HNRNPLL: variants seen among roughly 807,000 people sequenced by gnomAD.
HNRNPLL encodes heterogeneous nuclear ribonucleoprotein L like.
In HNRNPLL, 25 loss-of-function variants were observed where a neutral mutation model predicts 67.1. The ratio of observed to expected loss-of-function variants is 0.37; its 90% confidence interval spans 0.27 to 0.52. The LOEUF (loss-of-function observed/expected upper bound fraction) is 0.52. Among genes scored for constraint, HNRNPLL ranks in the 20% least tolerant of loss-of-function variants. The probability of loss-of-function intolerance (pLI) is 0.90; values close to 1 mark genes in which losing one functional copy is unlikely to be tolerated. For missense variants in HNRNPLL, 542 were observed against 673.9 expected (o/e 0.80, Z 2.17); for synonymous variants, 267 against 241.7 (o/e 1.10, Z -0.97).
rs146067444 is a variant in HNRNPLL at position 38,591,610 on chromosome 2, G to C, written c.228C>G (p.Pro76=). ...GGSHHKVSVS[P]VVHVRGLCES... The stretch of plus-strand genomic sequence containing the variant: ...CACAGAGTCCTCGAACATGGACGAC[G>C]GGTGAAACAGAAACTTTATGATGAC... The change falls in exon 2 of 13, where the codon CCC becomes CCG. Residue 76 remains proline (P), a synonymous_variant. Transcript: ENST00000449105. 2 of 1,613,304 alleles carry C rather than the reference G, an allele frequency of 1.2e-6. No homozygotes were observed. Among genetic ancestry groups the C allele is most frequent in the Non-Finnish European group, 1.7e-6 (2 of 1,179,444 alleles).
At chr2:38,593,076 T>C (rs1008965413) in intron 1 of HNRNPLL, among the ~76,000 whole-genome samples, 2 of 152,184 alleles carry the variant, frequency 1.3e-5, no homozygotes, top group Admixed American at 6.5e-5. Context: ...TACTGTCAAA[T>C]CCAAAAAATA....
chr2:38,602,318 T>G, intron 1 of HNRNPLL, 120 bp downstream of exon 1: 1 of 927,558 alleles, frequency 1.1e-6, no homozygotes, highest in Non-Finnish European at 1.6e-6. Context: ...AGTGGGCGCT[T>G]CCCCAAACGG....
intron 12 of HNRNPLL, among the ~76,000 whole-genome samples, chr2:38,566,946 G>A (rs964612981): frequency 2.0e-5 from 3 of 151,972 alleles, no homozygotes; most frequent in East Asian, 1.9e-4. Context: ...GTGGGGGGAC[G>A]GGTAAATAAG....
At position 38,564,056 on chromosome 2, in the gene HNRNPLL, T is replaced by C. The variant is rs1665752801; in HGVS notation, c.*126A>G. On this transcript the variant is annotated 3_prime_UTR_variant, in exon 13 of 13. Transcript: ENST00000449105. ...ATTTACTCAAGGCAAAATATGTTTATTACAGAACAGGATCTTAAAGTAAGC... is the reference window on the plus strand; with the variant it reads ...ATTTACTCAAGGCAAAATATGTTTACTACAGAACAGGATCTTAAAGTAAGC... The C allele has an allele frequency of 1.5e-6, 1 of 683,730 alleles. No homozygotes were observed. The highest frequency in any genetic ancestry group is 2.7e-6 in the Non-Finnish European group (1 of 377,088). 42.4% of individuals were successfully genotyped at this position (683,730 alleles called of 1,614,324 possible).
intron 12 of HNRNPLL, chr2:38,565,954 A>T: frequency 1.2e-6 from 1 of 844,726 alleles, no homozygotes. Flanking sequence ...TATTCCAGCC[A>T]TAAATCATTC....
Position 38,602,681 on chromosome 2 carries a change from C to A in HNRNPLL, c.-55G>T. The A allele has an allele frequency of 2.8e-6, 4 of 1,428,228 alleles. No individual in the cohort carries two copies. Among genetic ancestry groups the A allele is most frequent in the East Asian group, 3.0e-5 (1 of 33,228 alleles). The allele number at this position is 1,428,228 out of a possible 1,614,324, so 88.5% of individuals were successfully genotyped here. ...CGGGTGGGGGTGGCGGTGGGGCGCGCGCCTCGGATGCCGCCGGCCAGTCCT... is the reference window on the plus strand; with the variant it reads ...CGGGTGGGGGTGGCGGTGGGGCGCGAGCCTCGGATGCCGCCGGCCAGTCCT... On this transcript the variant is annotated 5_prime_UTR_variant, in exon 1 of 13. Transcript: ENST00000449105.
intron 6 of HNRNPLL, among the ~76,000 whole-genome samples, chr2:38,578,547 A>G (rs1356929225): frequency 6.6e-6 from 1 of 152,072 alleles, no homozygotes; most frequent in African/African-American, 2.4e-5. Context: ...GAGATGAGAA[A>G]TACTTTAATT....
chr2:38,585,820 C>A lies in HNRNPLL; in HGVS notation c.370G>T (p.Ala124Ser), dbSNP rs1370695049. The A allele has an allele frequency of 2.5e-6, 4 of 1,613,834 alleles. No individual in the cohort carries two copies. The highest frequency in any genetic ancestry group is 2.5e-6 in the Non-Finnish European group (3 of 1,179,920). ...GCAGCAAATGTCACACATTCTTTGG[C>A]ACTATCTATGTTTTCAAATTCCACT... ...ALVEFENIDS[A>S]KECVTFAADE... Residue 124 changes from alanine (A) to serine (S), a missense_variant, in exon 3 of 13, where the codon GCC becomes TCC. Ala to Ser is a moderately conservative substitution (Grantham distance 99, BLOSUM62 1). Coordinates refer to ENST00000449105, the MANE Select transcript of HNRNPLL (RefSeq NM_138394.4).
At chr2:38,598,961 T>A (rs1408370506) in intron 1 of HNRNPLL, among the ~76,000 whole-genome samples, 18 of 152,230 alleles carry the variant, frequency 1.2e-4, no homozygotes, top group Admixed American at 1.1e-3. Context: ...CTACTTTATT[T>A]CCATGAAGTA....
chr2:38,602,290 A>C (rs1667473972), intron 1 of HNRNPLL, 148 bp downstream of exon 1: 1 of 716,730 alleles, frequency 1.4e-6, no homozygotes, highest in South Asian at 1.9e-5. Context: ...AGGCCAGAAT[A>C]CGAGCCCCAA....
intron 2 of HNRNPLL, among the ~76,000 whole-genome samples, chr2:38,586,949 A>G (rs1666758542): frequency 6.6e-6 from 1 of 152,208 alleles, no homozygotes; most frequent in Admixed American, 6.5e-5. Flanking sequence ...AATGAAGAAT[A>G]AGAAAGGAAG....
At chr2:38,590,761 C>A (rs1666928305) in intron 2 of HNRNPLL, among the ~76,000 whole-genome samples, 1 of 152,164 alleles carries the variant, frequency 6.6e-6, no homozygotes, top group African/African-American at 2.4e-5. Flanking sequence ...AATCCCAGCA[C>A]TTCTGGAGGC....
chr2:38,592,352 G>C (rs1021348385), intron 1 of HNRNPLL, among the ~76,000 whole-genome samples: 2 of 152,176 alleles, frequency 1.3e-5, no homozygotes, highest in Admixed American at 6.5e-5. Context: ...TCCTCAACAT[G>C]AAGATAATAT....
intron 6 of HNRNPLL, among the ~76,000 whole-genome samples, chr2:38,578,905 T>C (rs535735461): frequency 3.9e-4 from 60 of 152,182 alleles, no homozygotes; most frequent in African/African-American, 1.4e-3. Context: ...CCAAAGTCAT[T>C]TCTTCTTCAA....
intron 2 of HNRNPLL, among the ~76,000 whole-genome samples, chr2:38,587,901 C>CAG (rs942229092): frequency 7.9e-5 from 12 of 152,118 alleles, no homozygotes; most frequent in African/African-American, 2.9e-4. Context: ...TGTCTCCTGA[C>CAG]AGAGTTCTCA....
intron 6 of HNRNPLL, among the ~76,000 whole-genome samples, chr2:38,579,478 T>A (rs1666434836): frequency 6.6e-6 from 1 of 151,962 alleles, no homozygotes; most frequent in South Asian, 2.1e-4. Context: ...ATTCACTGCG[T>A]AACAGGTCAC....
chr2:38,573,914 T>C (rs779184813), intron 7 of HNRNPLL, among the ~76,000 whole-genome samples: 1 of 151,986 alleles, frequency 6.6e-6, no homozygotes, highest in Non-Finnish European at 1.5e-5. Flanking sequence ...TATATTTTAC[T>C]ATGTACTTTC....
chr2:38,571,246 A>C (rs897034469), intron 8 of HNRNPLL, among the ~76,000 whole-genome samples: 1 of 152,224 alleles, frequency 6.6e-6, no homozygotes, highest in Non-Finnish European at 1.5e-5. Context: ...AATAAAATAG[A>C]AAAATTATAA....
chr2:38,568,803 G>T (rs539348499), intron 10 of HNRNPLL, among the ~76,000 whole-genome samples: 1 of 152,164 alleles, frequency 6.6e-6, no homozygotes, highest in Non-Finnish European at 1.5e-5. Context: ...TTCTAAGTTA[G>T]GGGAAACAAT....
Sources: gnomAD v4.1 joint callset for allele counts (sites outside exome capture counted in the v4.1 genomes callset) on GRCh38, gnomAD v4.1.1 for gene constraint, MANE v1.5 for transcripts, NCBI Gene and HGNC (gene_info 2026-07-23, HGNC 2026-07-21) for gene names.